Variants in SMYD5 observed in about 807,000 individuals in gnomAD.
SMYD5 encodes SMYD family member 5.
In SMYD5, 35 loss-of-function variants were observed where a neutral mutation model predicts 57.4. That is an observed-to-expected ratio of 0.61 (90% CI 0.47 to 0.81). SMYD5 has a LOEUF of 0.81. Among genes scored for constraint, SMYD5 ranks in the 30% least tolerant of loss-of-function variants. SMYD5 has a pLI of 0.00. For missense variants in SMYD5, 471 were observed against 527.9 expected (o/e 0.89, Z 1.06); for synonymous variants, 198 against 189.7 (o/e 1.04, Z -0.36).
chr2:73,218,838 A>T, intron 1 of SMYD5, 23 bp from the exon 2 acceptor site: 9 of 1,570,108 alleles, frequency 5.7e-6, no homozygotes, highest in Non-Finnish European at 7.9e-6. Context: ...TTTTATGGCC[A>T]TCCTATCCCT....
chr2:73,222,608 A>G (rs1323873188), intron 6 of SMYD5, 147 bp from the exon 7 acceptor site: 5 of 668,732 alleles, frequency 7.5e-6, no homozygotes, highest in Non-Finnish European at 1.0e-5. Context: ...TTGGAGGTAG[A>G]CTCTGTGGCC....
chr2:73,216,870 G>C (rs1194066079), intron 1 of SMYD5, among the ~76,000 whole-genome samples: 1 of 151,878 alleles, frequency 6.6e-6, no homozygotes, highest in Non-Finnish European at 1.5e-5. Context: ...TACCCGGCCT[G>C]CACGATTTTT....
chr2:73,224,566 G>T (rs183521164), intron 10 of SMYD5, among the ~76,000 whole-genome samples: 36 of 152,326 alleles, frequency 2.4e-4, no homozygotes, highest in Admixed American at 2.1e-3. Context: ...TGAGTTAAGT[G>T]GTCTGGGGTG....
At chr2:73,215,653 A>G (rs902347319) in intron 1 of SMYD5, among the ~76,000 whole-genome samples, 8 of 152,106 alleles carry the variant, frequency 5.3e-5, no homozygotes, top group African/African-American at 1.9e-4. Flanking sequence ...CCAGTCTCTC[A>G]GCCCCTTCCT....
intron 1 of SMYD5, 131 bp from the exon 2 acceptor site, chr2:73,218,730 T>C (rs1686332481): frequency 3.1e-6 from 2 of 653,178 alleles, no homozygotes; most frequent in South Asian, 3.5e-5. Flanking sequence ...CCACTCTCCA[T>C]GAACTCACAG....
At chr2:73,223,394 T>C (rs1297472308) in intron 8 of SMYD5, 32 bp from the exon 9 acceptor site, 1 of 1,494,658 alleles carries the variant, frequency 6.7e-7, no homozygotes, top group Non-Finnish European at 9.3e-7. Flanking sequence ...GGCTTCTGCC[T>C]CCCCAACCAT....
intron 6 of SMYD5, 131 bp downstream of exon 6, chr2:73,222,061 C>A: frequency 1.6e-6 from 1 of 638,994 alleles, no homozygotes. Context: ...GTCCAGAAAT[C>A]GATTCAGAGG....
chr2:73,225,868 A>G lies in SMYD5; in HGVS notation c.1179A>G (p.Glu393=). 1 of 1,612,806 alleles carries G rather than the reference A, an allele frequency of 6.2e-7. No individual in the cohort carries two copies. The highest frequency in any genetic ancestry group is 1.1e-5 in the South Asian group (1 of 90,962). Residue 393 remains glutamate, a synonymous_variant, in exon 13 of 13, where the codon GAA becomes GAG. Transcript: ENST00000389501. ...CTGATGAACCCAATGTGACCTCAGA[A>G]GAGGAAGAGGAAGAGGAGGAGGAGG... ...AEADEPNVTS[E]EEEEEEEEEE... is the part of the protein sequence containing the mutation.
In SMYD5 at chr2:73,226,253, G is replaced by A. The variant is rs143398888; in HGVS notation, c.*307G>A. 52 of 393,534 alleles carry A rather than the reference G, an allele frequency of 1.3e-4. No homozygotes were observed. In the East Asian group the frequency reaches 2.1e-3, roughly 16 times the overall value. 24.4% of individuals were successfully genotyped at this position (393,534 alleles called of 1,614,324 possible). On this transcript the variant is annotated 3_prime_UTR_variant, in exon 13 of 13. Transcript: ENST00000389501. ...CTGGAATCAGGGCCAGGGCCTAACAGTGTTTCTTCCCCTCGGCCCCACGGC... is the reference window on the plus strand; with the variant it reads ...CTGGAATCAGGGCCAGGGCCTAACAATGTTTCTTCCCCTCGGCCCCACGGC...
intron 3 of SMYD5, 55 bp downstream of exon 3, chr2:73,220,245 T>C: frequency 6.3e-7 from 1 of 1,596,822 alleles, no homozygotes; most frequent in Non-Finnish European, 8.6e-7. Flanking sequence ...AGGCCTTAGC[T>C]GGAGTCCTCA....
chr2:73,214,266 G>A lies in SMYD5; in HGVS notation c.-1G>A, dbSNP rs1448701890. 3 of 1,613,672 alleles carry A rather than the reference G, an allele frequency of 1.9e-6. No homozygotes were observed. Among genetic ancestry groups the A allele is most frequent in the African/African-American group, 2.7e-5 (2 of 74,914 alleles). On this transcript the variant is annotated 5_prime_UTR_variant, in exon 1 of 13. Coordinates refer to ENST00000389501, the MANE Select transcript of SMYD5 (RefSeq NM_006062.3). ...GGTCATAAGGCGGAGGCGCGCCCAA[G>A]ATGGCGGCCTCCATGTGCGACGTGT...
chr2:73,223,139 T>C (rs1456553748), intron 8 of SMYD5, 33 bp downstream of exon 8: 4 of 1,582,072 alleles, frequency 2.5e-6, no homozygotes, highest in African/African-American at 1.3e-5. Context: ...GAAGTTACTC[T>C]CAGGGGTGGG....
chr2:73,217,764 T>C (rs1686316712), intron 1 of SMYD5, among the ~76,000 whole-genome samples: 1 of 152,202 alleles, frequency 6.6e-6, no homozygotes, highest in Non-Finnish European at 1.5e-5. Flanking sequence ...TTTTTTCCTC[T>C]CCTTTTGTTG....
At chr2:73,217,212 A>C (rs988760542) in intron 1 of SMYD5, among the ~76,000 whole-genome samples, 2 of 152,072 alleles carry the variant, frequency 1.3e-5, no homozygotes, top group Admixed American at 6.5e-5. Flanking sequence ...AGCCTCCCAA[A>C]GTGCTGGGAT....
At chr2:73,216,262 C>T (rs1686291706) in intron 1 of SMYD5, among the ~76,000 whole-genome samples, 1 of 152,152 alleles carries the variant, frequency 6.6e-6, no homozygotes, top group Non-Finnish European at 1.5e-5. Context: ...TTAAAATCTA[C>T]TACATAGTCT....
intron 3 of SMYD5, 98 bp from the exon 4 acceptor site, chr2:73,220,563 T>G: frequency 7.0e-7 from 1 of 1,423,534 alleles, no homozygotes; most frequent in Non-Finnish European, 9.8e-7. Flanking sequence ...ATGATACATC[T>G]GAGCTACAGC....
chr2:73,223,269 T>C, intron 8 of SMYD5, 157 bp from the exon 9 acceptor site: 1 of 827,954 alleles, frequency 1.2e-6, no homozygotes, highest in Non-Finnish European at 2.1e-6. Flanking sequence ...GAATCTGTTT[T>C]GGGGAGCCTC....
intron 2 of SMYD5, among the ~76,000 whole-genome samples, chr2:73,219,399 G>A (rs1401976155): frequency 6.6e-6 from 1 of 152,040 alleles, no homozygotes; most frequent in African/African-American, 2.4e-5. Context: ...CTGGGGGAGG[G>A]GGACGGAGTT....
intron 6 of SMYD5, 89 bp from the exon 7 acceptor site, chr2:73,222,666 C>T: frequency 1.8e-6 from 2 of 1,099,468 alleles, no homozygotes; most frequent in Admixed American, 2.2e-5. Context: ...GGCCCTTTTT[C>T]CTTCCCTCCC....
Sources: gnomAD v4.1 joint callset for allele counts (sites outside exome capture counted in the v4.1 genomes callset) on GRCh38, gnomAD v4.1.1 for gene constraint, MANE v1.5 for transcripts, NCBI Gene and HGNC (gene_info 2026-07-23, HGNC 2026-07-21) for gene names.